Variants in VPS11 observed in about 807,000 individuals in gnomAD.
VPS11 encodes the protein VPS11 core subunit of CORVET and HOPS complexes.
A neutral mutation model predicts 106.8 loss-of-function variants in VPS11; 51 were observed. The ratio of observed to expected loss-of-function variants is 0.48; its 90% confidence interval spans 0.38 to 0.60. The LOEUF (loss-of-function observed/expected upper bound fraction) is 0.60, where lower values mean the gene tolerates loss of function less well. VPS11 is among the 20% of genes least tolerant of loss of function. The probability of loss-of-function intolerance (pLI) is 0.00; values close to 1 mark genes in which losing one functional copy is unlikely to be tolerated. For synonymous variants in VPS11, 453 were observed against 458.7 expected (o/e 0.99, Z 0.16); for missense variants, 950 against 1,190.0 (o/e 0.80, Z 2.97).
At chr11:119,069,006 C>CCT (rs1555201686) in intron 1 of VPS11, among the ~76,000 whole-genome samples, 190 bp from the exon 2 acceptor site, 1 of 65,742 alleles carries the variant, frequency 1.5e-5, no homozygotes, top group African/African-American at 6.8e-5. Flanking sequence ...ACCCCCCCCC[C>CCT]CCCCCGGCCT....
intron 14 of VPS11, among the ~76,000 whole-genome samples, chr11:119,080,534 A>G (rs1376103424): frequency 6.7e-6 from 1 of 149,532 alleles, no homozygotes; most frequent in Non-Finnish European, 1.5e-5. Context: ...ATGCCTGGCT[A>G]ATCTTTATAT....
chr11:119,070,019 T>TAAATAAATAAATAAATAAATA (rs1565737259), intron 3 of VPS11, among the ~76,000 whole-genome samples: 3 of 151,098 alleles, frequency 2.0e-5, no homozygotes, highest in African/African-American at 4.9e-5. Context: ...AATAAATAAA[T>TAAATAAATAAATAAATAAATA]AAATAAATAA....
intron 3 of VPS11, 123 bp downstream of exon 3, chr11:119,069,700 T>C (rs960929068): frequency 7.8e-5 from 110 of 1,415,778 alleles, no homozygotes; most frequent in Non-Finnish European, 9.9e-5. Flanking sequence ...CTTTGCGATA[T>C]TAAATTTTGG....
Position 119,081,084 on chromosome 11 carries a change from C to T in VPS11, c.2439-8C>T, listed in dbSNP as rs1353156354. 1 of 1,612,628 alleles carries T rather than the reference C, an allele frequency of 6.2e-7. No homozygotes were observed. Among genetic ancestry groups the T allele is most frequent in the Non-Finnish European group, 8.5e-7 (1 of 1,178,784 alleles). Reference sequence around the variant, plus strand: ...TTGCCACTCACTTCTGGTCTTTCTTCCCTGTAGTCCTAAGATTTTCCAAAA... The same window carrying T: ...TTGCCACTCACTTCTGGTCTTTCTTTCCTGTAGTCCTAAGATTTTCCAAAA... On this transcript the variant is annotated splice_polypyrimidine_tract_variant and splice_region_variant and intron_variant, in intron 14 of 15. Coordinates refer to ENST00000621676, the MANE Select transcript of VPS11 (RefSeq NM_021729.6).
At position 119,078,191 on chromosome 11, in the gene VPS11, A is replaced by G. The variant is rs1265780612; in HGVS notation, c.1780A>G (p.Ile594Val). 6.2e-7 allele frequency: 1 copy of G among 1,613,456 alleles called. No individual in the cohort carries two copies. ...PGCRANSEEFIPIFANNPREL... is the reference protein window; with the variant it reads ...PGCRANSEEFVPIFANNPREL... Reference sequence around the variant, plus strand: ...ATCCTAGGCCAACTCTGAGGAGTTCATCCCCATCTTTGCCAATAACCCGCG... The same window carrying G: ...ATCCTAGGCCAACTCTGAGGAGTTCGTCCCCATCTTTGCCAATAACCCGCG... The change falls in exon 11 of 16, where the codon ATC (isoleucine) becomes GTC (valine). Residue 594 changes from isoleucine to valine, a missense_variant. Physicochemically the swap from Ile to Val is conservative, Grantham distance 29. This residue lies in a region of VPS11 where 453 missense variants were observed against 514.6 expected (regional missense o/e 0.88). Transcript: ENST00000621676.
chr11:119,081,705 G>T lies in VPS11; in HGVS notation c.*82G>T. 6.5e-7 allele frequency: 1 copy of T among 1,527,618 alleles called. No homozygotes were observed. Among genetic ancestry groups the T allele is most frequent in the Non-Finnish European group, 8.8e-7 (1 of 1,131,608 alleles). 94.6% of individuals were successfully genotyped at this position (1,527,618 alleles called of 1,614,324 possible). A position where few individuals can be genotyped will look rare whatever the true frequency, so the allele number is the denominator to read the frequency against. ...GACCTGGGCGGGCGTTACACAGAAGGCTGGCTGACATGCCCAGGGCTCCAC... is the reference window on the plus strand; with the variant it reads ...GACCTGGGCGGGCGTTACACAGAAGTCTGGCTGACATGCCCAGGGCTCCAC... On this transcript the variant is annotated 3_prime_UTR_variant, in exon 16 of 16. Transcript: ENST00000621676.
chr11:119,077,854 A>C (rs1296005774), intron 9 of VPS11, 24 bp from the exon 10 acceptor site: 21 of 1,613,412 alleles, frequency 1.3e-5, no homozygotes, highest in Admixed American at 1.7e-5. Context: ...AGTATACACT[A>C]TTCTGCCCTT....
intron 11 of VPS11, 33 bp downstream of exon 11, chr11:119,078,367 C>T (rs1485923933): frequency 5.0e-6 from 8 of 1,601,236 alleles, no homozygotes; most frequent in South Asian, 3.3e-5. Context: ...GGAGAAAAGA[C>T]AGTTCGTGCC....
rs1945472401 is a variant in VPS11, at chr11:119,073,350, A to G, written c.1037A>G (p.Asp346Gly). ...GGCTCCCTGTACGTGCTGACGCGGG[A>G]TGGGCGGGTCCACGCACTGCAGGAG... is the stretch of plus-strand genomic sequence containing the variant. Reference protein sequence around the residue: ...EWGSLYVLTRDGRVHALQEKD... With the variant: ...EWGSLYVLTRGGRVHALQEKD... Residue 346 changes from aspartate to glycine, a missense_variant, in exon 6 of 16, where the codon GAT becomes GGT. Around this residue, in one of 3 missense-constraint regions of VPS11, gnomAD observed 435 missense variants for 630.2 expected, o/e 0.69. Transcript: ENST00000621676. 6.2e-7 allele frequency: 1 copy of G among 1,613,738 alleles called. No homozygotes were observed. Among genetic ancestry groups the G allele is most frequent in the African/African-American group, 1.3e-5 (1 of 74,940 alleles).
chr11:119,073,066 G>A (rs889996350), intron 5 of VPS11, 132 bp from the exon 6 acceptor site: 31 of 998,090 alleles, frequency 3.1e-5, no homozygotes, highest in Middle Eastern at 3.0e-4. Context: ...AGCGCTGCAT[G>A]TTATGGGATG....
At chr11:119,070,437 G>A in intron 4 of VPS11, 40 bp downstream of exon 4, 1 of 1,577,220 alleles carries the variant, frequency 6.3e-7, no homozygotes, top group South Asian at 1.1e-5. Flanking sequence ...AGGCAGGGAG[G>A]GCTTCTCCAT....
intron 5 of VPS11, 141 bp from the exon 6 acceptor site, chr11:119,073,057 G>A: frequency 1.1e-6 from 1 of 900,142 alleles, no homozygotes; most frequent in Non-Finnish European, 1.7e-6. Flanking sequence ...TACCGGCACA[G>A]CGCTGCATGT....
At chr11:119,068,591 C>T (rs933105998) in intron 1 of VPS11, among the ~76,000 whole-genome samples, 1 of 151,306 alleles carries the variant, frequency 6.6e-6, no homozygotes, top group Non-Finnish European at 1.5e-5. Flanking sequence ...GGACTACAGG[C>T]GCTTGCCACC....
Position 119,081,577 on chromosome 11 carries a change from C to T in VPS11, c.2780C>T (p.Ala927Val). The change falls in exon 16 of 16, where the codon GCT becomes GTT. Residue 927 changes from alanine to valine, a missense_variant. Ala to Val is a moderately conservative substitution (Grantham distance 64). Coordinates refer to ENST00000621676, the MANE Select transcript of VPS11 (RefSeq NM_021729.6). ...GCCAGACTGACCTCCAGCCTGGAGG[C>T]TGGGCTGCAACGCGACCTACTCATG... The part of the protein sequence containing the change: ...PTARLTSSLE[A>V]GLQRDLLMHS... The T allele has an allele frequency of 3.1e-6, 5 of 1,613,994 alleles. No homozygotes were observed. The highest frequency in any genetic ancestry group is 4.2e-6 in the Non-Finnish European group (5 of 1,179,892).
chr11:119,073,100 T>C (rs1945460866), intron 5 of VPS11, 98 bp from the exon 6 acceptor site: 17 of 1,385,818 alleles, frequency 1.2e-5, no homozygotes, highest in Admixed American at 4.0e-5. Flanking sequence ...AGGTGATTTG[T>C]GCTGGGTGAA....
At chr11:119,076,644 C>T (rs1945632023) in intron 7 of VPS11, among the ~76,000 whole-genome samples, 1 of 152,070 alleles carries the variant, frequency 6.6e-6, no homozygotes, top group Admixed American at 6.6e-5. Context: ...GGCCTCTTCC[C>T]CGTTCTCTTT....
At chr11:119,071,888 C>T (rs755560030) in intron 5 of VPS11, 45 bp downstream of exon 5, 1 of 1,583,634 alleles carries the variant, frequency 6.3e-7, no homozygotes, top group South Asian at 1.1e-5. Context: ...TGGACTTGTT[C>T]CCCAGAATCC....
chr11:119,080,932 T>A (rs2508948), intron 14 of VPS11, among the ~76,000 whole-genome samples, 160 bp from the exon 15 acceptor site: 65,302 of 152,032 alleles, frequency 0.43, 14,583 homozygotes, highest in East Asian at 0.76. Context: ...GGCTGTTGTA[T>A]TCATTTGACT....
chr11:119,078,351 G>A lies in VPS11; in HGVS notation c.1923+17G>A, dbSNP rs1592197171. On this transcript the variant is annotated intron_variant, in intron 11 of 15. Transcript: ENST00000621676. The stretch of plus-strand genomic sequence containing the variant: ...GATCCACAGGTGAGGCCTGGCCAGG[G>A]CTTCAGGAGAAAAGACAGTTCGTGC... The A allele has an allele frequency of 6.2e-7, 1 of 1,605,852 alleles. No homozygotes were observed. The highest frequency in any genetic ancestry group is 2.2e-5 in the East Asian group (1 of 44,870).
Sources: gnomAD v4.1 joint callset for allele counts (sites outside exome capture counted in the v4.1 genomes callset) on GRCh38, gnomAD v4.1.1 for gene constraint, gnomAD v4.1.1 regional missense constraint, MANE v1.5 for transcripts, NCBI Gene and HGNC (gene_info 2026-07-23, HGNC 2026-07-21) for gene names.